The following LPP variants were observed in gnomAD, a reference collection of about 807,000 sequenced individuals.
LPP encodes LIM domain containing preferred translocation partner in lipoma.
A neutral mutation model predicts 60.4 loss-of-function variants in LPP; 38 were observed. That is an observed-to-expected ratio of 0.63 (90% confidence interval 0.49 to 0.83). The LOEUF (loss-of-function observed/expected upper bound fraction) is 0.83. Among genes scored for constraint, LPP ranks in the 40% least tolerant of loss-of-function variants. The pLI is 0.00. For synonymous variants in LPP, 328 were observed against 290.8 expected, an observed-to-expected ratio of 1.13 and a Z score of -1.30; for missense variants, 902 against 783.6, an observed-to-expected ratio of 1.15 and a Z score of -1.80.
intron 1 of LPP, among the ~76,000 whole-genome samples, chr3:188,207,394 T>G (rs1016238772): frequency 6.6e-6 from 1 of 151,270 alleles, no homozygotes; most frequent in Non-Finnish European, 1.5e-5. Context: ...ACCACGCCTG[T>G]TTAGTTTTTG....
In LPP at chr3:188,634,175, C is replaced by T. The variant is rs75563245; in HGVS notation, c.1113+24331C>T. ...TCTTTCTTTTCGTTTCTTTTCTCAG[C>T]GATTCAAATGACCACTCTGATATTT... is the stretch of plus-strand genomic sequence containing the variant. On this transcript the variant is annotated intron_variant, in intron 7 of 11. Coordinates refer to ENST00000617246, the MANE Select transcript of LPP (RefSeq NM_001375462.1). Among the ~76,000 whole-genome samples, 253 of 152,306 alleles carry T rather than the reference C, an allele frequency of 1.7e-3. 3 individuals are homozygous for T. Among genetic ancestry groups the T allele is most frequent in the Non-Finnish European group, 2.5e-3 (171 of 68,032 alleles).
chr3:188,514,241 CT>C (rs1816665511), intron 5 of LPP, among the ~76,000 whole-genome samples: 1 of 151,496 alleles, frequency 6.6e-6, no homozygotes, highest in East Asian at 2.0e-4. Context: ...TTTTTTTTCC[CT>C]CTCTCCCTTC....
chr3:188,827,361 G>A (rs184275892), intron 9 of LPP, among the ~76,000 whole-genome samples: 6 of 152,254 alleles, frequency 3.9e-5, no homozygotes, highest in Admixed American at 3.9e-4. Context: ...CCACCCCACA[G>A]CACATGACCC....
At chr3:188,425,952 C>G (rs761809137) in intron 4 of LPP, among the ~76,000 whole-genome samples, 1 of 151,964 alleles carries the variant, frequency 6.6e-6, no homozygotes, top group Non-Finnish European at 1.5e-5. Context: ...TCTATCTCCT[C>G]CAGTTCTGCT....
chr3:188,817,388 A>G (rs1752750612), intron 9 of LPP, among the ~76,000 whole-genome samples: 1 of 152,246 alleles, frequency 6.6e-6, no homozygotes, highest in Non-Finnish European at 1.5e-5. Context: ...AGTTTGAGCC[A>G]GTGTATAGCT....
chr3:188,780,205 A>G (rs564950921), intron 9 of LPP, among the ~76,000 whole-genome samples: 4 of 152,342 alleles, frequency 2.6e-5, no homozygotes, highest in Admixed American at 6.5e-5. Context: ...CTTCCAAACT[A>G]TATACAAATA....
At chr3:188,306,758 C>T (rs1353274313) in intron 2 of LPP, among the ~76,000 whole-genome samples, 3 of 152,142 alleles carry the variant, frequency 2.0e-5, no homozygotes, top group African/African-American at 4.8e-5. Flanking sequence ...ATTATTGCCA[C>T]GTGGAGATGC....
intron 6 of LPP, among the ~76,000 whole-genome samples, chr3:188,529,136 G>T (rs764178288): frequency 1.3e-5 from 2 of 152,154 alleles, no homozygotes; most frequent in Non-Finnish European, 2.9e-5. Context: ...AACTGAATTA[G>T]ATGTGTTAAT....
chr3:188,741,807 C>G (rs1724533517), intron 8 of LPP, among the ~76,000 whole-genome samples: 1 of 151,852 alleles, frequency 6.6e-6, no homozygotes, highest in African/African-American at 2.4e-5. Flanking sequence ...TTTATAAAAA[C>G]TCTAAAACTT....
intron 2 of LPP, among the ~76,000 whole-genome samples, chr3:188,330,753 T>C (rs1759792613): frequency 6.6e-6 from 1 of 152,148 alleles, no homozygotes; most frequent in Middle Eastern, 3.4e-3. Flanking sequence ...GAGGCAGAGA[T>C]TGCAGTGAGC....
At chr3:188,657,700 C>T (rs1853609435) in intron 7 of LPP, among the ~76,000 whole-genome samples, 1 of 151,978 alleles carries the variant, frequency 6.6e-6, no homozygotes, top group Admixed American at 6.6e-5. Context: ...AGAGCTAGTC[C>T]CCAAGCACAC....
chr3:188,342,720 C>G (rs1255442842), intron 3 of LPP, among the ~76,000 whole-genome samples: 1 of 151,948 alleles, frequency 6.6e-6, no homozygotes, highest in Admixed American at 6.6e-5. Context: ...TTGGTATTGC[C>G]CCAAATTTGT....
chr3:188,650,704 G>C (rs188471911), intron 7 of LPP, among the ~76,000 whole-genome samples: 160 of 152,244 alleles, frequency 1.1e-3, no homozygotes, highest in Non-Finnish European at 1.0e-3. Context: ...TGATTATTAG[G>C]ATTTTACATT....
chr3:188,706,996 C>T (rs980141451), intron 7 of LPP, among the ~76,000 whole-genome samples: 39 of 151,908 alleles, frequency 2.6e-4, no homozygotes, highest in African/African-American at 9.2e-4. Context: ...GATAAATTCC[C>T]TTTTAATCAC....
chr3:188,798,349 T>A (rs1348600553), intron 9 of LPP, among the ~76,000 whole-genome samples: 2 of 152,204 alleles, frequency 1.3e-5, no homozygotes, highest in African/African-American at 2.4e-5. Context: ...TTCTTGATAC[T>A]TTCTCAGTAT....
At chr3:188,278,617 C>T (rs1005624547) in intron 2 of LPP, among the ~76,000 whole-genome samples, 4 of 151,930 alleles carry the variant, frequency 2.6e-5, no homozygotes, top group Middle Eastern at 3.4e-3. Context: ...GGTCTGGGGA[C>T]GTGCACAGAG....
intron 9 of LPP, among the ~76,000 whole-genome samples, chr3:188,838,131 C>A (rs1386606255): frequency 6.6e-6 from 1 of 152,168 alleles, no homozygotes; most frequent in Non-Finnish European, 1.5e-5. Flanking sequence ...CACTTCATGG[C>A]TTACAAAGTA....
chr3:188,240,152 C>G (rs567273982), intron 2 of LPP: 39 of 187,904 alleles, frequency 2.1e-4, no homozygotes, highest in African/African-American at 7.7e-4. Flanking sequence ...TTCAGAGGAT[C>G]TCATCTCAAG....
rs537736047 is a variant in LPP at position 188,441,915 on chromosome 3, G to A, written c.193+35602G>A. On this transcript the variant is annotated intron_variant, in intron 4 of 11. Coordinates refer to ENST00000617246, the MANE Select transcript of LPP (RefSeq NM_001375462.1). ...TGGGATTACAGGCGTGAGCCACCGCGCCCGGCCGCAATACTCATTACAGTT... is the reference window on the plus strand; with the variant it reads ...TGGGATTACAGGCGTGAGCCACCGCACCCGGCCGCAATACTCATTACAGTT... Among the ~76,000 whole-genome samples, 100 of 151,894 alleles carry A rather than the reference G, an allele frequency of 6.6e-4. 1 individual carries two copies. Among genetic ancestry groups the A allele is most frequent in the African/African-American group, 2.2e-3 (91 of 41,416 alleles).
Sources: allele counts gnomAD v4.1 joint callset (sites outside exome capture counted in the v4.1 genomes callset), GRCh38; gene constraint gnomAD v4.1.1; transcripts MANE v1.5; gene names NCBI Gene and HGNC (gene_info 2026-07-23, HGNC 2026-07-21).